DEFA5: variants seen among roughly 807,000 people sequenced by gnomAD.
DEFA5 encodes the protein HD5(20-94).
DEFA5 carries 11 observed loss-of-function variants against 8.7 expected under a neutral mutation model. The observed-to-expected ratio is 1.26, with a 90% CI of 0.80 to 2.09. DEFA5 has a LOEUF of 2.09. Among genes scored for constraint, DEFA5 ranks in the 30% most tolerant of loss-of-function variants. The probability of loss-of-function intolerance (pLI) is 0.00; values close to 1 mark genes in which losing one functional copy is unlikely to be tolerated. For synonymous variants in DEFA5, 52 were observed against 43.9 expected, an observed-to-expected ratio of 1.18 and a Z score of -0.73; for missense variants, 181 against 117.2, an observed-to-expected ratio of 1.54 and a Z score of -2.52.
At chr8:7,055,687 C>T (rs1250992286) in intron 1 of DEFA5, 144 bp from the exon 2 acceptor site, 2 of 633,020 alleles carry the variant, frequency 3.2e-6, no homozygotes, top group Non-Finnish European at 5.7e-6. Flanking sequence ...TCGTAAGTGA[C>T]AAGAAATCTT....
Position 7,055,501 on chromosome 8 carries a change from C to T in DEFA5, c.215G>A (p.Cys72Tyr), listed in dbSNP as rs1444101335. The T allele has an allele frequency of 6.2e-7, 1 of 1,613,764 alleles. No individual in the cohort carries two copies. The highest frequency in any genetic ancestry group is 8.5e-7 in the Non-Finnish European group (1 of 1,179,906). Reference sequence around the variant, plus strand: ...CCCGGAGAGGGACTCACGGGTAGCACAACGGCCGGTTCGGCAATAGCAGGT... The same window carrying T: ...CCCGGAGAGGGACTCACGGGTAGCATAACGGCCGGTTCGGCAATAGCAGGT... Reference protein sequence around the residue: ...RATCYCRTGRCATRESLSGVC... With the variant: ...RATCYCRTGRYATRESLSGVC... The change falls in exon 2 of 2, where the codon TGT (cysteine) becomes TAT (tyrosine). Residue 72 changes from cysteine to tyrosine, a missense_variant. Cys to Tyr is a radical substitution (Grantham distance 194, BLOSUM62 -2). Coordinates refer to ENST00000330590, the MANE Select transcript of DEFA5 (RefSeq NM_021010.3).
rs766062385 is a variant in DEFA5, at chr8:7,055,537, T to A, written c.179A>T (p.Gln60Leu). The change falls in exon 2 of 2, where the codon CAG (glutamine) becomes CTG (leucine). Residue 60 changes from glutamine (Q) to leucine (L), a missense_variant. Physicochemically the swap from Gln to Leu is moderately radical, Grantham distance 113. Transcript: ENST00000330590. ...GLSALRTSGS[Q>L]ARATCYCRTG... ...TCGGCAATAGCAGGTGGCTCTTGCC[T>A]GAGAACCTGTGGAAAGAAGAGAGGG... The A allele has an allele frequency of 8.7e-6, 14 of 1,609,456 alleles. No homozygotes were observed. The highest frequency in any genetic ancestry group is 1.7e-4 in the Middle Eastern group (1 of 6,058).
chr8:7,055,819 C>G (rs1416319253), intron 1 of DEFA5, among the ~76,000 whole-genome samples: 2 of 152,152 alleles, frequency 1.3e-5, no homozygotes, highest in African/African-American at 4.8e-5. Flanking sequence ...GTTACCTACT[C>G]TTCATTCTGC....
At chr8:7,055,610 A>G in intron 1 of DEFA5, 67 bp from the exon 2 acceptor site, 1 of 1,012,800 alleles carries the variant, frequency 9.9e-7, no homozygotes, top group East Asian at 2.6e-5. Flanking sequence ...CAGCCAGACT[A>G]ACTGAGATAG....
chr8:7,055,466 T>C lies in DEFA5; in HGVS notation c.250A>G (p.Ile84Val). 1 of 1,613,858 alleles carries C rather than the reference T, an allele frequency of 6.2e-7. No individual in the cohort carries two copies. The highest frequency in any genetic ancestry group is 8.5e-7 in the Non-Finnish European group (1 of 1,179,942). ...CAGAGTCTGTAGAGGCGGCCACTGA[T>C]TTCACACACCCCGGAGAGGGACTCA... ...TRESLSGVCE[I>V]SGRLYRLCCR Residue 84 changes from isoleucine (I) to valine (V), a missense_variant, in exon 2 of 2, where the codon ATC (isoleucine) becomes GTC (valine). Ile to Val is a conservative substitution (Grantham distance 29). Coordinates refer to ENST00000330590, the MANE Select transcript of DEFA5 (RefSeq NM_021010.3).
chr8:7,055,488 C>G lies in DEFA5; in HGVS notation c.228G>C (p.Glu76Asp). 2 of 1,613,904 alleles carry G rather than the reference C, an allele frequency of 1.2e-6. No individual in the cohort carries two copies. The highest frequency in any genetic ancestry group is 1.7e-6 in the Non-Finnish European group (2 of 1,179,938). The change falls in exon 2 of 2, where the codon GAG (glutamate) becomes GAC (aspartate). Residue 76 changes from glutamate to aspartate, a missense_variant. By Grantham distance (45) the Glu-to-Asp change is conservative (BLOSUM62 2). Coordinates refer to ENST00000330590, the MANE Select transcript of DEFA5 (RefSeq NM_021010.3). ...TGATTTCACACACCCCGGAGAGGGA[C>G]TCACGGGTAGCACAACGGCCGGTTC... ...YCRTGRCATR[E>D]SLSGVCEISG...
chr8:7,056,132 T>C (rs1489148211), intron 1 of DEFA5, among the ~76,000 whole-genome samples: 1 of 151,408 alleles, frequency 6.6e-6, no homozygotes, highest in Non-Finnish European at 1.5e-5. Flanking sequence ...GGATGTATTG[T>C]AGAAAGATTT....
chr8:7,055,682 A>G (rs4840669), intron 1 of DEFA5, 139 bp from the exon 2 acceptor site: 5 of 637,074 alleles, frequency 7.8e-6, no homozygotes, highest in East Asian at 5.5e-5. Flanking sequence ...CTTTGTCGTA[A>G]GTGACAAGAA....
At chr8:7,056,014 C>CTTTTTTTT (rs56220551) in intron 1 of DEFA5, among the ~76,000 whole-genome samples, 2 of 112,954 alleles carry the variant, frequency 1.8e-5, no homozygotes, top group Admixed American at 9.5e-5. Context: ...TCTGTCTCTC[C>CTTTTTTTT]TTTTTTTTTT....
intron 1 of DEFA5, 57 bp from the exon 2 acceptor site, chr8:7,055,600 C>A: frequency 1.7e-6 from 2 of 1,148,854 alleles, no homozygotes; most frequent in South Asian, 2.6e-5. Context: ...AGGACAAGCA[C>A]AGCCAGACTA....
At chr8:7,056,283 CTCTT>C (rs1197831800) in intron 1 of DEFA5, among the ~76,000 whole-genome samples, 2 of 152,036 alleles carry the variant, frequency 1.3e-5, no homozygotes, top group African/African-American at 4.8e-5. Flanking sequence ...GTCAGTGTAG[CTCTT>C]TCTATCTTAA....
rs145931751 is a variant in DEFA5 at position 7,055,531 on chromosome 8, C to G, written c.185G>C (p.Arg62Thr). ...GCCGGTTCGGCAATAGCAGGTGGCT[C>G]TTGCCTGAGAACCTGTGGAAAGAAG... ...SALRTSGSQA[R>T]ATCYCRTGRC... Residue 62 changes from arginine to threonine, a missense_variant, in exon 2 of 2, where the codon AGA becomes ACA. By Grantham distance (71) the Arg-to-Thr change is moderately conservative. Transcript: ENST00000330590. 140 of 1,611,564 alleles carry G rather than the reference C, an allele frequency of 8.7e-5. No individual in the cohort carries two copies. The African/African-American group carries it at 1.6e-3, about 19-fold the overall frequency.
intron 1 of DEFA5, among the ~76,000 whole-genome samples, chr8:7,056,014 C>CTTTTTTTTTTT (rs56220551): frequency 8.9e-6 from 1 of 112,946 alleles, no homozygotes; most frequent in East Asian, 3.2e-4. Flanking sequence ...TCTGTCTCTC[C>CTTTTTTTTTTT]TTTTTTTTTT....
intron 1 of DEFA5, 133 bp from the exon 2 acceptor site, chr8:7,055,676 G>T: frequency 1.5e-6 from 1 of 647,622 alleles, no homozygotes; most frequent in Non-Finnish European, 2.7e-6. Context: ...TCATGTCTTT[G>T]TCGTAAGTGA....
chr8:7,056,101 C>T (rs1812419464), intron 1 of DEFA5, among the ~76,000 whole-genome samples: 1 of 141,616 alleles, frequency 7.1e-6, no homozygotes, highest in Admixed American at 7.5e-5. Context: ...GTATGAGACA[C>T]AATATGATGT....
chr8:7,056,578 C>A lies in DEFA5; in HGVS notation c.120G>T (p.Gln40His). ...TTCCTGCAAAGGAGATAGCAAGGTCCTGGTTGTCTTCCCCAGACTGCTTCT... is the reference window on the plus strand; with the variant it reads ...TTCCTGCAAAGGAGATAGCAAGGTCATGGTTGTCTTCCCCAGACTGCTTCT... ...TTQKQSGEDN[Q>H]DLAISFAGNG... Residue 40 changes from glutamine to histidine, a missense_variant, in exon 1 of 2, where the codon CAG becomes CAT. Physicochemically the swap from Gln to His is conservative, Grantham distance 24. Coordinates refer to ENST00000330590, the MANE Select transcript of DEFA5 (RefSeq NM_021010.3). 8.1e-6 allele frequency: 13 copies of A among 1,613,976 alleles called. No homozygotes were observed. Among genetic ancestry groups the A allele is most frequent in the Non-Finnish European group, 1.1e-5 (13 of 1,179,874 alleles).
In DEFA5 at chr8:7,055,513, C is replaced by T. The variant is rs758909444; in HGVS notation, c.203G>A (p.Arg68Gln). The change falls in exon 2 of 2, where the codon CGA (arginine) becomes CAA (glutamine). Residue 68 changes from arginine (R) to glutamine (Q), a missense_variant. Transcript: ENST00000330590. ...GSQARATCYC[R>Q]TGRCATRESL... ...CTCACGGGTAGCACAACGGCCGGTT[C>T]GGCAATAGCAGGTGGCTCTTGCCTG... 1.2e-5 allele frequency: 19 copies of T among 1,613,054 alleles called. No individual in the cohort carries two copies. The East Asian group carries it at 1.8e-4, about 15-fold the overall frequency.
chr8:7,056,733 G>T lies in DEFA5; in HGVS notation c.-36C>A, dbSNP rs55818222. On this transcript the variant is annotated 5_prime_UTR_variant, in exon 1 of 2. Coordinates refer to ENST00000330590, the MANE Select transcript of DEFA5 (RefSeq NM_021010.3). ...ACCTGCAGGAGGGAGAGCAGGAGTG[G>T]ATATGTGGGGAGTGAGGAGTCAGCC... 7.7e-3 allele frequency: 12,176 copies of T among 1,578,740 alleles called. 62 individuals are homozygous for T. Among genetic ancestry groups the T allele is most frequent in the South Asian group, 0.012 (1,032 of 87,446 alleles).
intron 1 of DEFA5, among the ~76,000 whole-genome samples, chr8:7,055,915 A>T (rs1203969856): frequency 6.6e-6 from 1 of 151,998 alleles, no homozygotes; most frequent in Non-Finnish European, 1.5e-5. Flanking sequence ...AGTTTCTGAA[A>T]TGCCGCATTG....
Sources: gnomAD v4.1 joint callset for allele counts (sites outside exome capture counted in the v4.1 genomes callset) on GRCh38, gnomAD v4.1.1 for gene constraint, MANE v1.5 for transcripts, NCBI Gene and HGNC (gene_info 2026-07-23, HGNC 2026-07-21) for gene names.